The following DGKB variants were observed in gnomAD, a reference collection of about 807,000 sequenced individuals.
DGKB encodes diacylglycerol kinase beta, also known as 90 kDa diacylglycerol kinase.
A neutral mutation model predicts 114.3 loss-of-function variants in DGKB; 67 were observed. That is an observed-to-expected ratio of 0.59 (90% CI 0.48 to 0.72). The LOEUF is 0.72. Among genes scored for constraint, DGKB ranks in the 30% least tolerant of loss-of-function variants. DGKB has a pLI of 0.00. For synonymous variants in DGKB, 398 were observed against 323.1 expected (o/e 1.23, Z -2.49); for missense variants, 907 against 975.2 (o/e 0.93, Z 0.93).
At chr7:14,901,084 C>A (rs1290437691) in intron 1 of DGKB, among the ~76,000 whole-genome samples, 1 of 152,144 alleles carries the variant, frequency 6.6e-6, no homozygotes. Context: ...CACATGTAGA[C>A]TTTATGCACA....
rs1226940047 is a variant in DGKB at position 14,213,044 on chromosome 7, C to G, written c.2123-34893G>C. On this transcript the variant is annotated intron_variant, in intron 23 of 25. Transcript: ENST00000402815. ...GAAATATATTCATTCAAATTTTTGT[C>G]TATTCTTATACTCATATATGTACCA... 2.0e-5 allele frequency among the ~76,000 whole-genome samples: 3 copies of G among 151,876 alleles called. No individual in the cohort carries two copies. In the East Asian group the frequency reaches 5.8e-4, roughly 29 times the overall value.
At chr7:14,699,958 A>G (rs1195403366) in intron 7 of DGKB, among the ~76,000 whole-genome samples, 1 of 152,104 alleles carries the variant, frequency 6.6e-6, no homozygotes, top group African/African-American at 2.4e-5. Flanking sequence ...ACCCATGGCT[A>G]AAGCCTAGTA....
intron 2 of DGKB, among the ~76,000 whole-genome samples, chr7:14,835,152 G>A (rs1846975056): frequency 6.6e-6 from 1 of 152,156 alleles, no homozygotes; most frequent in Non-Finnish European, 1.5e-5. Context: ...TGAGAGACAT[G>A]CACTACCTAA....
intron 2 of DGKB, among the ~76,000 whole-genome samples, chr7:14,767,871 G>A (rs1413113921): frequency 6.6e-6 from 1 of 151,682 alleles, no homozygotes; most frequent in African/African-American, 2.4e-5. Context: ...GTTCTTATGT[G>A]GGTTGCAAAA....
intron 1 of DGKB, among the ~76,000 whole-genome samples, chr7:14,849,392 C>T (rs569419260): frequency 3.6e-4 from 55 of 152,130 alleles, no homozygotes; most frequent in South Asian, 6.2e-4. Context: ...TAGGCCAGGA[C>T]GGTTTCACCC....
At chr7:14,689,311 T>C (rs981092652) in intron 9 of DGKB, among the ~76,000 whole-genome samples, 16 of 148,338 alleles carry the variant, frequency 1.1e-4, no homozygotes, top group Non-Finnish European at 2.2e-4. Context: ...GTTCGTGCCA[T>C]TCTCCTGCCT....
chr7:14,729,866 A>G (rs566809353), intron 5 of DGKB, among the ~76,000 whole-genome samples: 108 of 152,298 alleles, frequency 7.1e-4, no homozygotes, highest in African/African-American at 2.5e-3. Context: ...AATGAGTTTA[A>G]ATAAATAGAT....
chr7:14,529,952 T>C (rs1243894663), intron 20 of DGKB, among the ~76,000 whole-genome samples: 1 of 151,778 alleles, frequency 6.6e-6, no homozygotes, highest in Non-Finnish European at 1.5e-5. Context: ...TAGTAACTTA[T>C]AAAGTTGTTA....
At chr7:14,278,540 TA>T (rs1799370154) in intron 23 of DGKB, among the ~76,000 whole-genome samples, 1 of 152,054 alleles carries the variant, frequency 6.6e-6, no homozygotes, top group South Asian at 2.1e-4. Context: ...ATACGACTAC[TA>T]GAATAAAACA....
Position 14,188,158 on chromosome 7 carries a change from G to C in DGKB, c.2123-10007C>G, listed in dbSNP as rs1326456923. Reference sequence around the variant, plus strand: ...CTTTTGAAATAGCCCAGCCAGAGGAGGGGAAAAGAAAGTAGAAATAAGAAA... The same window carrying C: ...CTTTTGAAATAGCCCAGCCAGAGGACGGGAAAAGAAAGTAGAAATAAGAAA... On this transcript the variant is annotated intron_variant, in intron 23 of 25. Transcript: ENST00000402815. 2.0e-5 allele frequency among the ~76,000 whole-genome samples: 3 copies of C among 152,102 alleles called. No individual in the cohort carries two copies. In the South Asian group the frequency reaches 6.2e-4, roughly 32 times the overall value.
chr7:14,717,808 G>C (rs569373349), intron 6 of DGKB, among the ~76,000 whole-genome samples: 1 of 151,996 alleles, frequency 6.6e-6, no homozygotes, highest in Non-Finnish European at 1.5e-5. Flanking sequence ...ACTATATTTA[G>C]AAAGAACCTC....
At chr7:14,806,915 C>G (rs1252252267) in intron 2 of DGKB, among the ~76,000 whole-genome samples, 1 of 151,918 alleles carries the variant, frequency 6.6e-6, no homozygotes, top group African/African-American at 2.4e-5. Context: ...GCTGAGATGC[C>G]AATTTCAGGA....
chr7:14,494,533 T>C (rs1469638379), intron 20 of DGKB, among the ~76,000 whole-genome samples: 1 of 151,918 alleles, frequency 6.6e-6, no homozygotes, highest in African/African-American at 2.4e-5. Flanking sequence ...AAGCAGTATT[T>C]ATGGGTTAAC....
At chr7:14,606,329 C>G (rs766247824) in intron 17 of DGKB, among the ~76,000 whole-genome samples, 1 of 151,934 alleles carries the variant, frequency 6.6e-6, no homozygotes, top group South Asian at 2.1e-4. Flanking sequence ...CTGTGATGAG[C>G]CTGTCTTCCA....
intron 23 of DGKB, among the ~76,000 whole-genome samples, chr7:14,195,549 A>G (rs1461421540): frequency 6.6e-5 from 10 of 152,208 alleles, no homozygotes; most frequent in Admixed American, 6.5e-4. Flanking sequence ...TACTTTACAT[A>G]TGACTACACG....
At chr7:14,176,624 AAC>A in intron 25 of DGKB, 1 of 1,290,104 alleles carries the variant, frequency 7.8e-7, no homozygotes, top group Non-Finnish European at 9.8e-7. Flanking sequence ...TACTTAGGCT[AAC>A]ACAAACATTC....
rs911341170 is a variant in DGKB at position 14,164,012 on chromosome 7, C to T, written c.2304+12827G>A. On this transcript the variant is annotated intron_variant, in intron 25 of 25. Transcript: ENST00000402815. ...CTCCATCTCAAAAACAAAAAACAAA[C>T]AAAAAAAAAAACAAAATAAAAAACC... 5.3e-4 allele frequency among the ~76,000 whole-genome samples: 77 copies of T among 146,484 alleles called. 1 individual carries two copies. In the South Asian group the frequency reaches 0.015, roughly 29 times the overall value.
chr7:14,784,033 TA>T (rs1839499838), intron 2 of DGKB, among the ~76,000 whole-genome samples: 2 of 152,196 alleles, frequency 1.3e-5, no homozygotes, highest in Admixed American at 1.3e-4. Flanking sequence ...TTTTGAATCA[TA>T]AATATAATGT....
intron 17 of DGKB, among the ~76,000 whole-genome samples, chr7:14,589,475 T>C (rs551255062): frequency 5.0e-4 from 76 of 152,152 alleles, no homozygotes; most frequent in African/African-American, 1.8e-3. Context: ...AAGATAAGAA[T>C]TACTTTTGGA....
Sources: allele counts gnomAD v4.1 joint callset (sites outside exome capture counted in the v4.1 genomes callset), GRCh38; gene constraint gnomAD v4.1.1; transcripts MANE v1.5; gene names NCBI Gene and HGNC (gene_info 2026-07-23, HGNC 2026-07-21).